UNC13C: variants seen among roughly 807,000 people sequenced by gnomAD.
The protein encoded by UNC13C is protein unc-13 homolog C.
A neutral mutation model predicts 245.4 loss-of-function variants in UNC13C; 174 were observed. The ratio of observed to expected loss-of-function variants is 0.71; its 90% CI spans 0.63 to 0.80. The LOEUF (loss-of-function observed/expected upper bound fraction) is 0.80. Among genes scored for constraint, UNC13C ranks in the 30% least tolerant of loss-of-function variants. The pLI is 0.00. For synonymous variants in UNC13C, 992 were observed against 895.1 expected, an observed-to-expected ratio of 1.11 and a Z score of -1.93; for missense variants, 2,829 against 2,602.9, an observed-to-expected ratio of 1.09 and a Z score of -1.89.
intron 6 of UNC13C, among the ~76,000 whole-genome samples, chr15:54,236,678 A>C (rs955115245): frequency 2.6e-5 from 4 of 152,212 alleles, no homozygotes; most frequent in African/African-American, 9.7e-5. Context: ...TATATTTTTC[A>C]AAGATGAAAC....
intron 17 of UNC13C, among the ~76,000 whole-genome samples, chr15:54,358,309 G>T (rs2039145014): frequency 6.6e-6 from 1 of 151,974 alleles, no homozygotes; most frequent in Non-Finnish European, 1.5e-5. Context: ...TGGGTCTTTT[G>T]TTGTTCCATA....
chr15:54,507,079 A>ACCC, intron 22 of UNC13C, 38 bp from the exon 23 acceptor site: 1 of 1,398,508 alleles, frequency 7.2e-7, no homozygotes, highest in Non-Finnish European at 9.9e-7. Flanking sequence ...TAAACTACAT[A>ACCC]CTTACCTGGG....
intron 4 of UNC13C, among the ~76,000 whole-genome samples, chr15:54,188,650 C>A (rs918832713): frequency 6.6e-6 from 1 of 152,118 alleles, no homozygotes; most frequent in African/African-American, 2.4e-5. Context: ...CTTGCTGTGG[C>A]AATTTTATGT....
the UNC13C span, among the ~76,000 whole-genome samples, chr15:53,851,914 C>T: frequency 1.3e-5 from 2 of 152,200 alleles, no homozygotes; most frequent in African/African-American, 4.8e-5. Context: ...TCCCATGCAT[C>T]TCTTCATCTG....
At chr15:54,246,807 C>A (rs182283657) in intron 7 of UNC13C, among the ~76,000 whole-genome samples, 32 of 152,112 alleles carry the variant, frequency 2.1e-4, no homozygotes, top group Admixed American at 7.2e-4. Context: ...GGATGCTGGG[C>A]TTAATACCTG....
At chr15:54,421,781 A>G (rs996087337) in intron 19 of UNC13C, among the ~76,000 whole-genome samples, 2 of 152,032 alleles carry the variant, frequency 1.3e-5, no homozygotes, top group Non-Finnish European at 2.9e-5. Context: ...AAAAATGATC[A>G]CCAAAGGAAA....
At chr15:54,343,012 C>G (rs965156298) in intron 17 of UNC13C, among the ~76,000 whole-genome samples, 1 of 152,154 alleles carries the variant, frequency 6.6e-6, no homozygotes, top group Admixed American at 6.5e-5. Context: ...TGTCTAATCT[C>G]TACTTTCCAT....
chr15:54,479,250 T>A (rs1441106001), intron 19 of UNC13C, among the ~76,000 whole-genome samples: 1 of 152,152 alleles, frequency 6.6e-6, no homozygotes. Context: ...TTTATATATC[T>A]GGGTGCTTTG....
intron 4 of UNC13C, among the ~76,000 whole-genome samples, chr15:54,157,496 A>C (rs2032799272): frequency 6.6e-6 from 1 of 152,142 alleles, no homozygotes; most frequent in Non-Finnish European, 1.5e-5. Flanking sequence ...GCTCATGGTG[A>C]TCAGAGGTAG....
At chr15:54,138,132 T>G (rs2031826987) in intron 2 of UNC13C, among the ~76,000 whole-genome samples, 1 of 152,166 alleles carries the variant, frequency 6.6e-6, no homozygotes, top group Non-Finnish European at 1.5e-5. Flanking sequence ...TTCCTGTTAT[T>G]GATTTCTACT....
chr15:54,267,378 ACATCTTAGTCT>A (rs1413076292), intron 10 of UNC13C, among the ~76,000 whole-genome samples: 4 of 152,114 alleles, frequency 2.6e-5, no homozygotes. Flanking sequence ...GTAAGAGCAG[ACATCTTAGTCT>A]CATTCCCAAT....
At chr15:54,410,628 C>T (rs1249235828) in intron 18 of UNC13C, among the ~76,000 whole-genome samples, 2 of 152,014 alleles carry the variant, frequency 1.3e-5, no homozygotes, top group South Asian at 2.1e-4. Context: ...GTCGTTTCCC[C>T]ATTGCTTTTG....
intron 4 of UNC13C, among the ~76,000 whole-genome samples, chr15:54,195,253 C>G (rs1403159844): frequency 5.9e-5 from 9 of 152,140 alleles, no homozygotes; most frequent in African/African-American, 2.2e-4. Flanking sequence ...AAGAAGGAGC[C>G]AGGTTTATGC....
At chr15:54,358,334 G>T (rs567942364) in intron 17 of UNC13C, among the ~76,000 whole-genome samples, 1 of 151,944 alleles carries the variant, frequency 6.6e-6, no homozygotes, top group Non-Finnish European at 1.5e-5. Context: ...TTTTAGGATT[G>T]GTTTTTCTAT....
intron 17 of UNC13C, among the ~76,000 whole-genome samples, chr15:54,365,051 C>CT (rs557003814): frequency 0.01 from 1,525 of 151,478 alleles, 31 homozygotes; most frequent in African/African-American, 0.035. Flanking sequence ...TTTTGACAGC[C>CT]TTTTTTTTTC....
chr15:54,154,649 A>G (rs1394869822), intron 4 of UNC13C, among the ~76,000 whole-genome samples: 2 of 152,210 alleles, frequency 1.3e-5, no homozygotes, highest in African/African-American at 4.8e-5. Flanking sequence ...TGCAACATAT[A>G]GATATGAGGA....
rs141515673 is a variant in UNC13C, at chr15:54,564,589, C to T, written c.5959-3211C>T. On this transcript the variant is annotated intron_variant, in intron 29 of 32. Coordinates refer to ENST00000260323, the MANE Select transcript of UNC13C (RefSeq NM_001080534.3). ...GCTTTCTAGGCCCTCAACAATATCT[C>T]AATTATATGAAGTTCAGTGACATTC... is the stretch of plus-strand genomic sequence containing the variant. Among the ~76,000 whole-genome samples, 517 of 152,120 alleles carry T rather than the reference C, an allele frequency of 3.4e-3. 5 individuals carry two copies. The highest frequency in any genetic ancestry group is 0.012 in the African/African-American group (486 of 41,534).
chr15:54,555,596 A>G, intron 29 of UNC13C, 84 bp downstream of exon 29: 2 of 983,300 alleles, frequency 2.0e-6, no homozygotes, highest in Non-Finnish European at 3.1e-6. Flanking sequence ...TTAGCCATGT[A>G]TCAGTAGAGC....
chr15:54,127,725 A>G (rs2115835), intron 2 of UNC13C, among the ~76,000 whole-genome samples: 55,475 of 146,324 alleles, frequency 0.38, 10,700 homozygotes, highest in African/African-American at 0.41. Context: ...ATATATATAT[A>G]AAATATATAT....
Sources: gnomAD v4.1 joint callset for allele counts (sites outside exome capture counted in the v4.1 genomes callset) on GRCh38, gnomAD v4.1.1 for gene constraint, MANE v1.5 for transcripts, NCBI Gene and HGNC (gene_info 2026-07-23, HGNC 2026-07-21) for gene names.